The following EARS2 variants were observed in gnomAD, a reference collection of about 807,000 sequenced individuals.
EARS2 encodes nondiscriminating glutamyl-tRNA synthetase EARS2, mitochondrial.
EARS2 carries 50 observed loss-of-function variants against 54.1 expected under a neutral mutation model. The ratio of observed to expected loss-of-function variants is 0.92; its 90% CI spans 0.74 to 1.17. The LOEUF (loss-of-function observed/expected upper bound fraction) is 1.17, where lower values mean the gene tolerates loss of function less well. EARS2 is among the 50% of genes most tolerant of loss of function. The pLI, the probability that EARS2 is intolerant of heterozygous loss-of-function variation, is 0.00. For synonymous variants in EARS2, 298 were observed against 281.0 expected (o/e 1.06, Z -0.61); for missense variants, 673 against 675.0 (o/e 1.00, Z 0.03).
intron 2 of EARS2, among the ~76,000 whole-genome samples, chr16:23,550,212 A>G (rs1403695198): frequency 6.6e-6 from 1 of 152,006 alleles, no homozygotes; most frequent in African/African-American, 2.4e-5. Flanking sequence ...ACATAAGTTA[A>G]TAAAATTAGC....
chr16:23,556,982 G>GA, intron 1 of EARS2: 8 of 737,994 alleles, frequency 1.1e-5, no homozygotes, highest in Admixed American at 2.1e-5. Flanking sequence ...AAAAAAGATC[G>GA]AAAGAGATGG....
At chr16:23,532,156 G>A (rs1352885239) in intron 5 of EARS2, among the ~76,000 whole-genome samples, 1 of 152,190 alleles carries the variant, frequency 6.6e-6, no homozygotes, top group Non-Finnish European at 1.5e-5. Context: ...TATGATCTGA[G>A]TTGGAACGAT....
intron 1 of EARS2, among the ~76,000 whole-genome samples, chr16:23,556,311 A>G (rs1965783082): frequency 6.6e-6 from 1 of 152,208 alleles, no homozygotes; most frequent in South Asian, 2.1e-4. Context: ...CAACAGCACT[A>G]GCACAGTGCC....
intron 2 of EARS2, among the ~76,000 whole-genome samples, chr16:23,551,210 A>T (rs1965689410): frequency 6.6e-6 from 1 of 152,170 alleles, no homozygotes; most frequent in Non-Finnish European, 1.5e-5. Flanking sequence ...ACTCTGGATG[A>T]GGTGTGGTTT....
At chr16:23,549,882 T>C (rs933218355) in intron 2 of EARS2, among the ~76,000 whole-genome samples, 1 of 152,196 alleles carries the variant, frequency 6.6e-6, no homozygotes, top group African/African-American at 2.4e-5. Context: ...TTGGCTATTC[T>C]TTTTGCTTTG....
At chr16:23,536,458 A>G (rs953548386) in intron 3 of EARS2, among the ~76,000 whole-genome samples, 9 of 151,894 alleles carry the variant, frequency 5.9e-5, no homozygotes, top group Non-Finnish European at 8.8e-5. Context: ...AATTTAAAAT[A>G]CCAGCCTGGG....
rs147318204 is a variant in EARS2, at chr16:23,542,504, C to G, written c.485+2010G>C. On this transcript the variant is annotated intron_variant, in intron 3 of 8. Coordinates refer to ENST00000449606, the MANE Select transcript of EARS2 (RefSeq NM_001083614.2). ...CTAATTTTTGTATTTTTAGCAGAGA[C>G]GGGGTTTCACCACATTGGCCAGGCT... 5.0e-3 allele frequency among the ~76,000 whole-genome samples: 735 copies of G among 145,816 alleles called. 2 individuals are homozygous for G. The highest frequency in any genetic ancestry group is 0.018 in the African/African-American group (695 of 39,576).
intron 2 of EARS2, 61 bp downstream of exon 2, chr16:23,552,087 AG>A: frequency 6.3e-7 from 1 of 1,576,690 alleles, no homozygotes; most frequent in Admixed American, 1.7e-5. Flanking sequence ...GAAGACCCAC[AG>A]GCTCCTTTTC....
At chr16:23,544,844 C>T (rs565893218) in intron 2 of EARS2, 141 bp from the exon 3 acceptor site, 71 of 789,918 alleles carry the variant, frequency 9.0e-5, no homozygotes, top group Admixed American at 3.2e-5. Flanking sequence ...TCCTCCCCGC[C>T]GCCTTTTTTT....
At chr16:23,545,095 G>A (rs1029852943) in intron 2 of EARS2, 1 of 167,076 alleles carries the variant, frequency 6.0e-6, no homozygotes, top group Admixed American at 5.8e-5. Context: ...ACCTGCCTCG[G>A]CCTCTCAAAG....
chr16:23,547,250 A>C (rs1397704710), intron 2 of EARS2, among the ~76,000 whole-genome samples: 1 of 152,206 alleles, frequency 6.6e-6, no homozygotes, highest in Non-Finnish European at 1.5e-5. Context: ...CAGTCACAGA[A>C]GGCCATATAT....
intron 2 of EARS2, among the ~76,000 whole-genome samples, chr16:23,547,033 G>A (rs551979443): frequency 2.7e-4 from 41 of 152,332 alleles, no homozygotes; most frequent in Non-Finnish European, 5.3e-4. Flanking sequence ...ACTCCCCTAG[G>A]AGAACTGAAA....
intron 3 of EARS2, among the ~76,000 whole-genome samples, chr16:23,543,977 A>G (rs1242059493): frequency 1.3e-5 from 2 of 152,214 alleles, no homozygotes; most frequent in Non-Finnish European, 2.9e-5. Flanking sequence ...CCCCCAAGAT[A>G]TCTCATTATA....
chr16:23,524,258 T>C lies in EARS2; in HGVS notation c.*113A>G. 1 of 851,496 alleles carries C rather than the reference T, an allele frequency of 1.2e-6. No individual in the cohort carries two copies. The highest frequency in any genetic ancestry group is 2.0e-6 in the Non-Finnish European group (1 of 501,494). 52.7% of individuals were successfully genotyped at this position (851,496 alleles called of 1,614,324 possible). ...TGCAGTCAGAGATTGTTTCCACTCT[T>C]AGTTCCTTCAGCAAACTTCCCGACG... On this transcript the variant is annotated 3_prime_UTR_variant, in exon 9 of 9. Transcript: ENST00000449606.
In EARS2 at chr16:23,525,366, A is replaced by T; in HGVS notation, c.1366T>A (p.Ser456Thr). 1 of 1,613,182 alleles carries T rather than the reference A, an allele frequency of 6.2e-7. No individual in the cohort carries two copies. The highest frequency in any genetic ancestry group is 1.3e-5 in the African/African-American group (1 of 74,950). Residue 456 changes from serine (S) to threonine (T), a missense_variant, in exon 8 of 9, where the codon TCT becomes ACT. This residue lies in a region of EARS2 where 338 missense variants were observed against 361.2 expected (regional missense o/e 0.94). Coordinates refer to ENST00000449606, the MANE Select transcript of EARS2 (RefSeq NM_001083614.2). ...AKRVLGLLERSSMSLTQDMLN... is the reference protein window; with the variant it reads ...AKRVLGLLERTSMSLTQDMLN... The stretch of plus-strand genomic sequence containing the variant: ...ATATCCTGAGTTAAGCTCATACTAG[A>T]TCTTTCTAGAAGCCTAGAAGAAGAG...
At chr16:23,530,327 T>C (rs1282470963) in intron 5 of EARS2, among the ~76,000 whole-genome samples, 2 of 152,214 alleles carry the variant, frequency 1.3e-5, no homozygotes, top group Non-Finnish European at 2.9e-5. Context: ...GGTCTTGCTA[T>C]GTTGTCCAGG....
At position 23,525,564 on chromosome 16, in the gene EARS2, C is replaced by A. The variant is rs575886129; in HGVS notation, c.1353-185G>T. ...CTTATCCAGGTCGGGAAGGAAAAAC[C>A]ACCAAGGGACCACACACAGAGAAGC... On this transcript the variant is annotated intron_variant, in intron 7 of 8. Transcript: ENST00000449606. 7.9e-5 allele frequency among the ~76,000 whole-genome samples: 12 copies of A among 152,278 alleles called. 1 individual carries two copies. Among genetic ancestry groups the A allele is most frequent in the African/African-American group, 2.6e-4 (11 of 41,562 alleles).
intron 3 of EARS2, 147 bp from the exon 4 acceptor site, chr16:23,535,507 T>G: frequency 5.8e-6 from 4 of 689,166 alleles, no homozygotes; most frequent in Non-Finnish European, 9.6e-6. Flanking sequence ...ATGGTACAGT[T>G]GTGTGGAAAA....
intron 7 of EARS2, among the ~76,000 whole-genome samples, chr16:23,525,715 G>A (rs1184088638): frequency 6.6e-6 from 1 of 152,148 alleles, no homozygotes; most frequent in African/African-American, 2.4e-5. Context: ...TAGTATCTGA[G>A]GCTGGCGCAG....
Sources: allele counts gnomAD v4.1 joint callset (sites outside exome capture counted in the v4.1 genomes callset), GRCh38; gene constraint gnomAD v4.1.1; regional missense constraint gnomAD v4.1.1; transcripts MANE v1.5; gene names NCBI Gene and HGNC (gene_info 2026-07-23, HGNC 2026-07-21).